Variants in TAFA1 observed in about 807,000 individuals in gnomAD.
The protein encoded by TAFA1 is TAFA chemokine like family member 1, also known as chemokine-like protein TAFA-1.
A neutral mutation model predicts 18.5 loss-of-function variants in TAFA1; 4 were observed. The ratio of observed to expected loss-of-function variants is 0.22; its 90% CI spans 0.11 to 0.49. The LOEUF (loss-of-function observed/expected upper bound fraction) is 0.49. Ranked by LOEUF, TAFA1 falls within the 20% of genes least tolerant of loss-of-function variation. TAFA1 has a pLI of 0.98. For missense variants in TAFA1, 147 were observed against 169.0 expected (o/e 0.87, Z 0.72); for synonymous variants, 56 against 55.2 (o/e 1.01, Z -0.06).
chr3:68,206,376 A>G (rs1217216769), intron 2 of TAFA1, among the ~76,000 whole-genome samples: 1 of 151,872 alleles, frequency 6.6e-6, no homozygotes, highest in Non-Finnish European at 1.5e-5. Context: ...TTCTCTCTTT[A>G]ATATGTCTCT....
chr3:68,397,016 C>T (rs181120685), intron 2 of TAFA1, among the ~76,000 whole-genome samples: 315 of 152,170 alleles, frequency 2.1e-3, no homozygotes, highest in African/African-American at 7.2e-3. Flanking sequence ...AGTTGTTTGC[C>T]ATTTTGTTTG....
At chr3:68,440,426 A>G (rs1430180510) in intron 3 of TAFA1, among the ~76,000 whole-genome samples, 1 of 152,226 alleles carries the variant, frequency 6.6e-6, no homozygotes, top group Admixed American at 6.5e-5. Flanking sequence ...GAAAAAGGAA[A>G]CAAAATGAAG....
At chr3:68,504,852 C>G (rs1229771037) in intron 3 of TAFA1, among the ~76,000 whole-genome samples, 2 of 152,100 alleles carry the variant, frequency 1.3e-5, no homozygotes, top group Non-Finnish European at 2.9e-5. Context: ...ATGACCCTTT[C>G]AAAGGGATCA....
At chr3:68,530,565 G>A (rs955398326) in intron 3 of TAFA1, among the ~76,000 whole-genome samples, 1 of 152,162 alleles carries the variant, frequency 6.6e-6, no homozygotes, top group African/African-American at 2.4e-5. Context: ...GGACCTTAAA[G>A]ATCTTCTTTC....
intron 2 of TAFA1, among the ~76,000 whole-genome samples, chr3:68,071,384 T>A (rs1158623899): frequency 2.6e-5 from 4 of 151,482 alleles, no homozygotes; most frequent in African/African-American, 9.7e-5. Context: ...TCCCACCAGG[T>A]CCCTCCCAAA....
intron 2 of TAFA1, among the ~76,000 whole-genome samples, chr3:68,069,752 T>C (rs2064727886): frequency 6.6e-6 from 1 of 152,222 alleles, no homozygotes; most frequent in African/African-American, 2.4e-5. Context: ...ACAGCCATTC[T>C]AAATGGTAGT....
upstream of TAFA1, among the ~76,000 whole-genome samples, chr3:67,999,276 C>CTCT (rs368071409): frequency 1.2e-3 from 48 of 39,588 alleles, 1 homozygote; most frequent in African/African-American, 2.0e-3. Flanking sequence ...ATCCCCCCCC[C>CTCT]CCCCCTCTCT....
intron 2 of TAFA1, among the ~76,000 whole-genome samples, chr3:68,273,693 G>A (rs553320621): frequency 1.3e-5 from 2 of 152,250 alleles, no homozygotes; most frequent in South Asian, 4.1e-4. Flanking sequence ...ATATAAGAAT[G>A]GAAGCTAGAA....
At chr3:68,488,520 C>T (rs955442419) in intron 3 of TAFA1, among the ~76,000 whole-genome samples, 8 of 152,136 alleles carry the variant, frequency 5.3e-5, no homozygotes, top group African/African-American at 1.9e-4. Context: ...ACAAAAAGCA[C>T]TGAGACTTGG....
intron 2 of TAFA1, among the ~76,000 whole-genome samples, chr3:68,262,776 A>G (rs1230832285): frequency 2.6e-5 from 4 of 152,144 alleles, no homozygotes; most frequent in South Asian, 2.1e-4. Flanking sequence ...ATAGTGATCT[A>G]CATTCCTTTG....
At chr3:68,267,238 A>G (rs1269430734) in intron 2 of TAFA1, among the ~76,000 whole-genome samples, 2 of 152,162 alleles carry the variant, frequency 1.3e-5, no homozygotes, top group Non-Finnish European at 2.9e-5. Flanking sequence ...TACCCCCAAA[A>G]TACAATCATT....
intron 3 of TAFA1, among the ~76,000 whole-genome samples, chr3:68,436,696 G>A (rs1347811804): frequency 2.0e-5 from 3 of 151,964 alleles, no homozygotes; most frequent in Non-Finnish European, 2.9e-5. Context: ...CCAAAACTTG[G>A]GCTCTGATTT....
At chr3:68,445,131 A>G (rs2071453695) in intron 3 of TAFA1, among the ~76,000 whole-genome samples, 1 of 152,160 alleles carries the variant, frequency 6.6e-6, no homozygotes, top group Non-Finnish European at 1.5e-5. Context: ...CATCTCTAAG[A>G]CATTTCATAC....
chr3:68,194,905 C>T (rs1454364341), intron 2 of TAFA1, among the ~76,000 whole-genome samples: 1 of 151,716 alleles, frequency 6.6e-6, no homozygotes, highest in Non-Finnish European at 1.5e-5. Context: ...GCGTCATCAT[C>T]GTCATTATCA....
At chr3:68,515,359 A>C (rs1488163046) in intron 3 of TAFA1, among the ~76,000 whole-genome samples, 1 of 152,174 alleles carries the variant, frequency 6.6e-6, no homozygotes, top group African/African-American at 2.4e-5. Flanking sequence ...TCTCAAGGAG[A>C]GGCATAGCTA....
chr3:68,390,976 C>G (rs1204898773), intron 2 of TAFA1, among the ~76,000 whole-genome samples: 2 of 152,106 alleles, frequency 1.3e-5, no homozygotes, highest in African/African-American at 4.8e-5. Context: ...CAACTCCTGG[C>G]CAGCAAGGGA....
At chr3:68,365,744 TAGC>T (rs1182647533) in intron 2 of TAFA1, among the ~76,000 whole-genome samples, 1 of 152,136 alleles carries the variant, frequency 6.6e-6, no homozygotes, top group Non-Finnish European at 1.5e-5. Context: ...TAATACATGA[TAGC>T]AGCCAAGAGA....
intron 3 of TAFA1, among the ~76,000 whole-genome samples, chr3:68,475,881 G>C (rs1272223074): frequency 1.3e-5 from 2 of 152,170 alleles, no homozygotes; most frequent in Non-Finnish European, 2.9e-5. Flanking sequence ...ATCTCATTGT[G>C]GTTTTAATTT....
intron 2 of TAFA1, among the ~76,000 whole-genome samples, chr3:68,332,104 C>T (rs1042233464): frequency 6.6e-6 from 1 of 151,706 alleles, no homozygotes; most frequent in South Asian, 2.1e-4. Flanking sequence ...ACCTCGTGAT[C>T]CGCCCGCCTC....
Sources: allele counts gnomAD v4.1 joint callset (sites outside exome capture counted in the v4.1 genomes callset), GRCh38; gene constraint gnomAD v4.1.1; transcripts MANE v1.5; gene names NCBI Gene and HGNC (gene_info 2026-07-23, HGNC 2026-07-21).